ARHGEF11: variants seen among roughly 807,000 people sequenced by gnomAD.
ARHGEF11 encodes the protein Rho guanine exchange factor (GEF) 11.
In ARHGEF11, 55 loss-of-function variants were observed where a neutral mutation model predicts 193.7. That is an observed-to-expected ratio of 0.28 (90% CI 0.23 to 0.36). The LOEUF (loss-of-function observed/expected upper bound fraction) is 0.36. ARHGEF11 is among the 10% of genes least tolerant of loss of function. The pLI, the probability that ARHGEF11 is intolerant of heterozygous loss-of-function variation, is 1.00. For synonymous variants in ARHGEF11, 693 were observed against 768.0 expected, an observed-to-expected ratio of 0.90 and a Z score of 1.62; for missense variants, 1,723 against 2,005.6, an observed-to-expected ratio of 0.86 and a Z score of 2.69.
At chr1:156,978,149 C>A in intron 6 of ARHGEF11, 55 bp downstream of exon 6, 1 of 1,608,476 alleles carries the variant, frequency 6.2e-7, no homozygotes, top group Admixed American at 1.7e-5. Flanking sequence ...CTCCCCAATG[C>A]GGAGCTTTTC....
chr1:156,951,078 G>T (rs1411789004), intron 22 of ARHGEF11, among the ~76,000 whole-genome samples: 1 of 152,192 alleles, frequency 6.6e-6, no homozygotes, highest in African/African-American at 2.4e-5. Context: ...TTGCTGAGGT[G>T]GACATCTGAT....
intron 21 of ARHGEF11, 47 bp downstream of exon 21, chr1:156,954,845 A>G: frequency 6.6e-7 from 1 of 1,514,778 alleles, no homozygotes; most frequent in Non-Finnish European, 9.1e-7. Context: ...GGAGATGGAA[A>G]CTCAATGCTA....
intron 1 of ARHGEF11, among the ~76,000 whole-genome samples, chr1:157,006,137 AT>A (rs955931318): frequency 4.6e-4 from 67 of 146,536 alleles, no homozygotes; most frequent in Non-Finnish European, 5.4e-4. Flanking sequence ...TCACAAATCT[AT>A]TTTTTTTTTT....
chr1:157,045,988 C>T (rs1673288663), upstream of ARHGEF11, among the ~76,000 whole-genome samples: 1 of 150,964 alleles, frequency 6.6e-6, no homozygotes, highest in African/African-American at 2.4e-5. Flanking sequence ...ACCGCCTTTC[C>T]CTGCCTCGGT....
chr1:156,940,125 T>C, intron 36 of ARHGEF11, 82 bp downstream of exon 36: 2 of 1,466,204 alleles, frequency 1.4e-6, no homozygotes, highest in Non-Finnish European at 1.8e-6. Context: ...TTCGGGAAGG[T>C]GGAGGGTGCA....
At chr1:157,040,237 G>A (rs532001544) in intron 1 of ARHGEF11, among the ~76,000 whole-genome samples, 89 of 152,192 alleles carry the variant, frequency 5.8e-4, no homozygotes, top group Admixed American at 1.5e-3. Flanking sequence ...CAGCATTTCC[G>A]GGACTTATCA....
chr1:156,960,275 A>T, intron 15 of ARHGEF11, 143 bp downstream of exon 15: 1 of 745,364 alleles, frequency 1.3e-6, no homozygotes. Context: ...GTTCTGGAGC[A>T]ATCATCCCAT....
intron 1 of ARHGEF11, among the ~76,000 whole-genome samples, chr1:157,041,723 C>T (rs887828389): frequency 6.6e-6 from 1 of 152,182 alleles, no homozygotes; most frequent in Non-Finnish European, 1.5e-5. Flanking sequence ...TCATGCAAGA[C>T]ACTAAGCTAG....
In ARHGEF11 at chr1:156,947,291, A is replaced by T; in HGVS notation, c.2488+13T>A. The T allele has an allele frequency of 6.3e-7, 1 of 1,594,642 alleles. No individual in the cohort carries two copies. Among genetic ancestry groups the T allele is most frequent in the East Asian group, 2.2e-5 (1 of 44,798 alleles). On this transcript the variant is annotated intron_variant, in intron 26 of 40. Coordinates refer to ENST00000368194, the MANE Select transcript of ARHGEF11 (RefSeq NM_198236.3). ...CAGCAGAAGAGGAGTCTGGAGGGGC[A>T]CAGGCTCCTTACTGTGAATCTCTAT... is the stretch of plus-strand genomic sequence containing the variant.
intron 15 of ARHGEF11, among the ~76,000 whole-genome samples, chr1:156,960,099 G>C (rs1211293039): frequency 1.3e-5 from 2 of 152,082 alleles, no homozygotes; most frequent in Non-Finnish European, 2.9e-5. Context: ...TCTTTGTTCA[G>C]ATAAGCCAAC....
intron 18 of ARHGEF11, among the ~76,000 whole-genome samples, chr1:156,957,465 G>A (rs545859177): frequency 5.3e-5 from 8 of 152,344 alleles, no homozygotes; most frequent in South Asian, 2.1e-4. Flanking sequence ...AGGGAAAGAC[G>A]TGAGAAGAGA....
chr1:156,981,735 A>T (rs944455109), intron 3 of ARHGEF11, among the ~76,000 whole-genome samples: 1 of 152,194 alleles, frequency 6.6e-6, no homozygotes, highest in African/African-American at 2.4e-5. Context: ...TTTGCCTCCC[A>T]AAGTGCTGGG....
rs1655491842 is a variant in ARHGEF11 at position 156,936,871 on chromosome 1, C to T, written c.4575G>A (p.Glu1525=). The part of the protein sequence containing the change: ...TDGSLSPPAK[E]PLASDSRNSH... ...TGTTCCTGGAGTCAGAAGCTAGGGG[C>T]TCCTTAGCGGGAGGTGAGAGGGAGC... Residue 1525 remains glutamate, a synonymous_variant, in exon 40 of 41, where the codon GAG becomes GAA. Transcript: ENST00000368194. 2 of 1,614,122 alleles carry T rather than the reference C, an allele frequency of 1.2e-6. No individual in the cohort carries two copies. Among genetic ancestry groups the T allele is most frequent in the South Asian group, 2.2e-5 (2 of 91,068 alleles).
chr1:156,968,092 G>T lies in ARHGEF11; in HGVS notation c.858C>A (p.Asp286Glu). 2 of 1,613,550 alleles carry T rather than the reference G, an allele frequency of 1.2e-6. No individual in the cohort carries two copies. The highest frequency in any genetic ancestry group is 1.7e-6 in the Non-Finnish European group (2 of 1,179,570). ...AGGTTCGAGGACTGTCTAGCCCAGG[G>T]TCTGACAGTACCGAGTTCCGATTCA... ...SLMNRNSVLS[D>E]PGLDSPRTSP... The change falls in exon 11 of 41, where the codon GAC becomes GAA. Residue 286 changes from aspartate (D) to glutamate (E), a missense_variant. By Grantham distance (45) the Asp-to-Glu change is conservative (BLOSUM62 2). Around this residue, in one of 5 missense-constraint regions of ARHGEF11, gnomAD observed 646 missense variants for 710.7 expected, o/e 0.91. Transcript: ENST00000368194.
Position 156,948,455 on chromosome 1 carries a change from C to G in ARHGEF11, c.1969G>C (p.Gly657Arg). ...CGAGACCGTTTCATCTCTTCCCGGC[C>G]CTTGAGGCTTTCAGAGCGGCCCAGG... Reference protein sequence around the residue: ...IRLGRSESLKGREEMKRSRKA... With the variant: ...IRLGRSESLKRREEMKRSRKA... Residue 657 changes from glycine (G) to arginine (R), a missense_variant, in exon 23 of 41, where the codon GGC (glycine) becomes CGC (arginine). Gly to Arg is a moderately radical substitution (Grantham distance 125). Coordinates refer to ENST00000368194, the MANE Select transcript of ARHGEF11 (RefSeq NM_198236.3). This position sits in a 1 kb window ranked among gnomAD's most constrained non-coding sequence, Gnocchi z 4.2. 6.2e-7 allele frequency: 1 copy of G among 1,614,220 alleles called. No homozygotes were observed. Among genetic ancestry groups the G allele is most frequent in the Non-Finnish European group, 8.5e-7 (1 of 1,180,034 alleles).
At chr1:157,001,576 T>C (rs1194695611) in intron 1 of ARHGEF11, among the ~76,000 whole-genome samples, 1 of 152,176 alleles carries the variant, frequency 6.6e-6, no homozygotes, top group Non-Finnish European at 1.5e-5. Flanking sequence ...GGAGGTGCAA[T>C]AGGCAGGCCA....
rs1671438306 is a variant in ARHGEF11, at chr1:157,032,611, C to T, written c.32+11688G>A. On this transcript the variant is annotated intron_variant, in intron 1 of 40. Transcript: ENST00000368194. ...TACCTTGAAAAAATTAAAGTCCTAC[C>T]TGACAGGACCAGGAGCGACATTTTT... Among the ~76,000 whole-genome samples, 3 of 152,176 alleles carry T rather than the reference C, an allele frequency of 2.0e-5. No homozygotes were observed. In the South Asian group the frequency reaches 6.2e-4, roughly 32 times the overall value.
At chr1:156,956,213 T>C (rs926364374) in intron 19 of ARHGEF11, among the ~76,000 whole-genome samples, 2 of 152,012 alleles carry the variant, frequency 1.3e-5, no homozygotes, top group African/African-American at 4.8e-5. Context: ...AATTCCCGGG[T>C]TCAAGCAATA....
At position 156,935,608 on chromosome 1, in the gene ARHGEF11, G is replaced by A. The variant is rs1654902386; in HGVS notation, c.*392C>T. ...CTCTGCCTGGGGTCTTATGGAGAAA[G>A]AGGGGAGGAAGAAAGTGCATTTACA... is the stretch of plus-strand genomic sequence containing the variant. On this transcript the variant is annotated 3_prime_UTR_variant, in exon 41 of 41. Transcript: ENST00000368194. 5.5e-6 allele frequency: 1 copy of A among 181,300 alleles called. No individual in the cohort carries two copies. Among genetic ancestry groups the A allele is most frequent in the Non-Finnish European group, 1.1e-5 (1 of 87,360 alleles). The allele number at this position is 181,300 out of a possible 1,614,324, so 11.2% of individuals were successfully genotyped here.
Sources: allele counts gnomAD v4.1 joint callset (sites outside exome capture counted in the v4.1 genomes callset), GRCh38; gene constraint gnomAD v4.1.1; regional missense constraint gnomAD v4.1.1; non-coding constraint Gnocchi (gnomAD v3.1); transcripts MANE v1.5; gene names NCBI Gene and HGNC (gene_info 2026-07-23, HGNC 2026-07-21).